Variants in SH3GL1 observed in about 807,000 individuals in gnomAD.
SH3GL1 encodes SH3 domain containing GRB2 like 1, endophilin A2.
In SH3GL1, 21 loss-of-function variants were observed where a neutral mutation model predicts 48.8. That is an observed-to-expected ratio of 0.43 (90% CI 0.30 to 0.62). The LOEUF (loss-of-function observed/expected upper bound fraction) is 0.62, where lower values mean the gene tolerates loss of function less well. SH3GL1 is among the 20% of genes least tolerant of loss of function. The probability of loss-of-function intolerance (pLI) is 0.11; values close to 1 mark genes in which losing one functional copy is unlikely to be tolerated. For missense variants in SH3GL1, 454 were observed against 503.0 expected (o/e 0.90, Z 0.93); for synonymous variants, 282 against 217.5 (o/e 1.30, Z -2.61).
chr19:4,379,236 C>T (rs1489628920), intron 1 of SH3GL1, among the ~76,000 whole-genome samples: 1 of 151,916 alleles, frequency 6.6e-6, no homozygotes, highest in East Asian at 1.9e-4. Context: ...AGCAGATCAC[C>T]TGAGATTGGG....
chr19:4,391,514 G>A (rs1203508021), intron 1 of SH3GL1, among the ~76,000 whole-genome samples: 1 of 152,156 alleles, frequency 6.6e-6, no homozygotes, highest in Non-Finnish European at 1.5e-5. Flanking sequence ...GACTTGTTCT[G>A]GGACCTACTG....
intron 1 of SH3GL1, among the ~76,000 whole-genome samples, chr19:4,394,500 G>A (rs771453350): frequency 1.3e-5 from 2 of 152,016 alleles, no homozygotes; most frequent in African/African-American, 2.4e-5. Context: ...ACCAGTCTAT[G>A]GCCAGTTCAT....
chr19:4,361,262 G>A lies in SH3GL1; in HGVS notation c.*338C>T, dbSNP rs569180285. Reference sequence around the variant, plus strand: ...GACGGAGGTGGGGGCTGCCCCAGAGGAACATTAGTGTTTCTAAGAGCACCT... The same window carrying A: ...GACGGAGGTGGGGGCTGCCCCAGAGAAACATTAGTGTTTCTAAGAGCACCT... On this transcript the variant is annotated 3_prime_UTR_variant, in exon 10 of 10. Transcript: ENST00000269886. 10 of 383,090 alleles carry A rather than the reference G, an allele frequency of 2.6e-5. No homozygotes were observed. The highest frequency in any genetic ancestry group is 4.8e-5 in the Non-Finnish European group (10 of 209,122). 23.7% of individuals were successfully genotyped at this position (383,090 alleles called of 1,614,324 possible).
At chr19:4,390,292 G>A (rs1973311895) in intron 1 of SH3GL1, 1 of 152,298 alleles carries the variant, frequency 6.6e-6, no homozygotes, top group African/African-American at 2.4e-5. Context: ...CTGCTTAACA[G>A]GAAATGAGCA....
intron 1 of SH3GL1, among the ~76,000 whole-genome samples, chr19:4,383,884 G>A (rs1188475004): frequency 1.3e-5 from 2 of 152,216 alleles, no homozygotes; most frequent in East Asian, 1.9e-4. Context: ...AGAACACAGC[G>A]TTGAGAGCTA....
In SH3GL1 at chr19:4,362,695, G is replaced by T. The variant is rs781408393; in HGVS notation, c.770C>A (p.Pro257His). The T allele has an allele frequency of 6.2e-7, 1 of 1,614,066 alleles. No individual in the cohort carries two copies. Among genetic ancestry groups the T allele is most frequent in the Middle Eastern group, 1.7e-4 (1 of 6,048 alleles). The change falls in exon 8 of 10, where the codon CCC (proline) becomes CAC (histidine). Residue 257 changes from proline to histidine, a missense_variant. By Grantham distance (77) the Pro-to-His change is moderately conservative. This residue lies in a region of SH3GL1 where 278 missense variants were observed against 246.8 expected (regional missense o/e 1.13). Transcript: ENST00000269886. ...AAGGTCAAAGGGCTCCCGGGGCTTG[G>T]GCTTATACTCCCGCTTAGGGCGTGA... is the stretch of plus-strand genomic sequence containing the variant. ...ASSRPKREYKPKPREPFDLGE... is the reference protein window; with the variant it reads ...ASSRPKREYKHKPREPFDLGE...
intron 1 of SH3GL1, among the ~76,000 whole-genome samples, chr19:4,374,158 G>A (rs1048846547): frequency 5.3e-5 from 8 of 152,240 alleles, no homozygotes; most frequent in South Asian, 4.1e-4. Flanking sequence ...GGGCCCTGGA[G>A]GCCCCATCCA....
chr19:4,367,017 C>T lies in SH3GL1; in HGVS notation c.46-23G>A, dbSNP rs374333593. The stretch of plus-strand genomic sequence containing the variant: ...CAGCTAGAGGACAGAAGAGGGGAAA[C>T]GCTGTGAGCCCAGGGGTAGGAGGAA... On this transcript the variant is annotated intron_variant, in intron 1 of 9. Transcript: ENST00000269886. The surrounding 1 kb of genome is among the most constrained non-coding windows in gnomAD (Gnocchi z 4.2). 546 of 1,611,020 alleles carry T rather than the reference C, an allele frequency of 3.4e-4. 4 individuals are homozygous for T. The South Asian group carries it at 5.3e-3, about 16-fold the overall frequency.
chr19:4,381,251 CCTCT>C (rs144899979), intron 1 of SH3GL1, among the ~76,000 whole-genome samples: 34,821 of 102,478 alleles, frequency 0.34, 6,585 homozygotes, highest in Non-Finnish European at 0.41. Context: ...GTCCCCTCTG[CCTCT>C]CTCTGTCCCC....
At chr19:4,384,635 G>A (rs186929915) in intron 1 of SH3GL1, among the ~76,000 whole-genome samples, 147 of 152,274 alleles carry the variant, frequency 9.7e-4, no homozygotes, top group Middle Eastern at 3.4e-3. Flanking sequence ...TGCCACAGGG[G>A]ACCGCTCACT....
chr19:4,362,443 C>T lies in SH3GL1; in HGVS notation c.854-58G>A, dbSNP rs983821480. On this transcript the variant is annotated intron_variant, in intron 8 of 9. Transcript: ENST00000269886. ...TCAAAACGGTCGGGCAGGGCCCCTT[C>T]TGCAGAAGGCTGGGGCCAGCCCTTC... The T allele has an allele frequency of 1.6e-5, 26 of 1,580,816 alleles. No individual in the cohort carries two copies. In the African/African-American group the frequency reaches 3.0e-4, roughly 18 times the overall value.
rs1456609507 is a variant in SH3GL1, at chr19:4,364,914, A to ATTT, written c.331+567_331+568insAAA. ...TGTGTGTGTGTATATATATATATAT[A>ATTT]TATTTTTTTTTTTTTAGTAGAAGCG... On this transcript the variant is annotated intron_variant, in intron 4 of 9. Coordinates refer to ENST00000269886, the MANE Select transcript of SH3GL1 (RefSeq NM_003025.4). Among the ~76,000 whole-genome samples the ATTT allele has an allele frequency of 7.7e-5, 9 of 116,668 alleles. No individual in the cohort carries two copies. In the South Asian group the frequency reaches 2.4e-3, roughly 31 times the overall value. The allele number at this position is 116,668 out of a possible 152,430, so 76.5% of individuals were successfully genotyped here.
intron 1 of SH3GL1, among the ~76,000 whole-genome samples, chr19:4,378,737 G>A (rs1973062075): frequency 6.6e-6 from 1 of 152,024 alleles, no homozygotes; most frequent in African/African-American, 2.4e-5. Flanking sequence ...AAAAAAAACA[G>A]AAACCATACA....
At chr19:4,370,676 G>C (rs1230042403) in intron 1 of SH3GL1, among the ~76,000 whole-genome samples, 1 of 152,246 alleles carries the variant, frequency 6.6e-6, no homozygotes, top group Non-Finnish European at 1.5e-5. Context: ...GCCCAAGAGG[G>C]AACAGTCTCC....
intron 1 of SH3GL1, among the ~76,000 whole-genome samples, chr19:4,399,406 G>T (rs1383457186): frequency 1.3e-5 from 2 of 150,930 alleles, no homozygotes; most frequent in Non-Finnish European, 3.0e-5. Context: ...AAGGGAGGAA[G>T]GAAAGAAGAG....
Position 4,363,363 on chromosome 19 carries a change from G to A in SH3GL1, c.728+7C>T, listed in dbSNP as rs1972677305. On this transcript the variant is annotated splice_region_variant and intron_variant, in intron 7 of 9. Transcript: ENST00000269886. ...AGACTCTGGAGAGACCAAGGCCCTG[G>A]GCTCACCTGCGCTTGAGCTTCTCCG... 1.9e-6 allele frequency: 3 copies of A among 1,590,138 alleles called. No homozygotes were observed. The African/African-American group carries it at 4.0e-5, about 21-fold the overall frequency.
intron 4 of SH3GL1, chr19:4,364,600 T>G (rs527911981): frequency 4.1e-5 from 11 of 268,472 alleles, no homozygotes; most frequent in African/African-American, 2.5e-4. Context: ...CCAGCTAATT[T>G]TTGTATTTTT....
chr19:4,399,690 C>G (rs1973487546), intron 1 of SH3GL1, among the ~76,000 whole-genome samples: 1 of 152,108 alleles, frequency 6.6e-6, no homozygotes, highest in Non-Finnish European at 1.5e-5. Flanking sequence ...AAATCCCGCT[C>G]CAGTGTGATC....
chr19:4,370,183 G>A (rs535521922), intron 1 of SH3GL1, among the ~76,000 whole-genome samples: 56 of 152,346 alleles, frequency 3.7e-4, no homozygotes, highest in African/African-American at 1.3e-3. Flanking sequence ...GCTGCCTGTT[G>A]TGGGGCAGCC....
Sources: gnomAD v4.1 joint callset for allele counts (sites outside exome capture counted in the v4.1 genomes callset) on GRCh38, gnomAD v4.1.1 for gene constraint, gnomAD v4.1.1 regional missense constraint, Gnocchi (gnomAD v3.1) non-coding constraint, MANE v1.5 for transcripts, NCBI Gene and HGNC (gene_info 2026-07-23, HGNC 2026-07-21) for gene names.